Variants in VPS13B observed in about 807,000 individuals in gnomAD.
The protein encoded by VPS13B is vacuolar protein sorting 13 homolog B, also known as intermembrane lipid transfer protein VPS13B.
Under a neutral mutation model 426.4 loss-of-function variants are expected in VPS13B, and 285 were observed. The observed-to-expected ratio is 0.67, with a 90% CI of 0.61 to 0.74. The LOEUF is 0.74. Ranked by LOEUF, VPS13B falls within the 30% of genes least tolerant of loss-of-function variation. The pLI is 0.00. For synonymous variants in VPS13B, 1,676 were observed against 1,676.4 expected (o/e 1.00, Z 0.01); for missense variants, 4,537 against 4,782.6 (o/e 0.95, Z 1.51).
At position 99,135,047 on chromosome 8, in the gene VPS13B, C is replaced by T. The variant is rs765890153; in HGVS notation, c.1335C>T (p.Cys445=). 4.8e-5 allele frequency: 77 copies of T among 1,613,314 alleles called. No homozygotes were observed. The highest frequency in any genetic ancestry group is 6.3e-5 in the Non-Finnish European group (74 of 1,179,598). The change falls in exon 10 of 62, where the codon TGC becomes TGT. Residue 445 remains cysteine (C), a synonymous_variant. Coordinates refer to ENST00000357162, the MANE Select transcript of VPS13B (RefSeq NM_152564.5). ...TGATGGGAGAACCTTTCTTTGATTG[C>T]CAGATTGGGTTTGTTGGTTGCAGAG... ...ALMMGEPFFD[C]QIGFVGCRAM... is the part of the protein sequence containing the mutation.
At position 99,501,710 on chromosome 8, in the gene VPS13B, G is replaced by A; in HGVS notation, c.3894G>A (p.Glu1298=). The A allele has an allele frequency of 6.2e-7, 1 of 1,613,854 alleles. No individual in the cohort carries two copies. The highest frequency in any genetic ancestry group is 8.5e-7 in the Non-Finnish European group (1 of 1,179,970). The change falls in exon 26 of 62, where the codon GAG becomes GAA. Residue 1298 remains glutamate, a synonymous_variant. Coordinates refer to ENST00000357162, the MANE Select transcript of VPS13B (RefSeq NM_152564.5). The part of the protein sequence containing the change: ...TTEGDSIQAG[E]ESPFSDSVTL... ...AGGGAGATTCTATACAAGCAGGTGA[G>A]GAATCACCATTCTCAGATTCTGTGA... is the stretch of plus-strand genomic sequence containing the variant.
At chr8:99,337,923 A>G (rs1588267090) in intron 19 of VPS13B, among the ~76,000 whole-genome samples, 1 of 151,844 alleles carries the variant, frequency 6.6e-6, no homozygotes, top group Non-Finnish European at 1.5e-5. Flanking sequence ...TTTTTTTCTC[A>G]TTCATCCAGT....
intron 6 of VPS13B, among the ~76,000 whole-genome samples, chr8:99,112,653 C>T (rs1336103271): frequency 6.6e-6 from 1 of 151,952 alleles, no homozygotes; most frequent in Non-Finnish European, 1.5e-5. Flanking sequence ...TTTTCTATAG[C>T]CTTGGGTTTT....
chr8:99,087,179 G>C (rs1024401535), intron 3 of VPS13B, among the ~76,000 whole-genome samples: 3 of 152,078 alleles, frequency 2.0e-5, no homozygotes, highest in Non-Finnish European at 2.9e-5. Flanking sequence ...CCCCAGCCTC[G>C]CTGCCCCCTT....
intron 2 of VPS13B, among the ~76,000 whole-genome samples, chr8:99,034,987 G>T (rs1563496724): frequency 6.6e-6 from 1 of 152,082 alleles, no homozygotes; most frequent in Admixed American, 6.5e-5. Flanking sequence ...TTGAAGCCCA[G>T]GAGTTGAAGA....
intron 17 of VPS13B, among the ~76,000 whole-genome samples, chr8:99,223,691 C>T (rs1365331367): frequency 2.0e-5 from 3 of 152,026 alleles, no homozygotes; most frequent in Admixed American, 6.5e-5. Context: ...GAAGTTTGTA[C>T]AAACTGCTCT....
chr8:99,257,561 TAC>T (rs34558672), intron 17 of VPS13B, among the ~76,000 whole-genome samples: 104,905 of 150,752 alleles, frequency 0.7, 36,774 homozygotes, highest in South Asian at 0.85. Flanking sequence ...TGCATGTGTG[TAC>T]ACACACACAC....
intron 17 of VPS13B, among the ~76,000 whole-genome samples, chr8:99,205,148 T>G (rs1437374212): frequency 6.6e-6 from 1 of 152,206 alleles, no homozygotes; most frequent in Non-Finnish European, 1.5e-5. Flanking sequence ...ATGTGGCACA[T>G]ATACACCATG....
chr8:99,780,443 CA>C (rs1234551305), intron 42 of VPS13B, among the ~76,000 whole-genome samples: 1 of 152,096 alleles, frequency 6.6e-6, no homozygotes, highest in Admixed American at 6.6e-5. Flanking sequence ...CTCTTAGACA[CA>C]GCTATACATA....
At chr8:99,143,244 T>G in intron 13 of VPS13B, 79 bp downstream of exon 13, 1 of 1,584,294 alleles carries the variant, frequency 6.3e-7, no homozygotes, top group East Asian at 2.2e-5. Flanking sequence ...GTTGTCTTGC[T>G]AACTTTACGT....
At chr8:99,437,478 A>G (rs1817444065) in intron 22 of VPS13B, among the ~76,000 whole-genome samples, 1 of 151,666 alleles carries the variant, frequency 6.6e-6, no homozygotes, top group South Asian at 2.1e-4. Context: ...AGCACTTTGG[A>G]AGTCCTCGGC....
intron 3 of VPS13B, among the ~76,000 whole-genome samples, chr8:99,082,229 T>C (rs1026351077): frequency 6.6e-6 from 1 of 152,234 alleles, no homozygotes; most frequent in Non-Finnish European, 1.5e-5. Context: ...TGAGTATGTT[T>C]TCATGTGTCT....
At chr8:99,670,752 G>A (rs566420940) in intron 35 of VPS13B, among the ~76,000 whole-genome samples, 2 of 152,040 alleles carry the variant, frequency 1.3e-5, no homozygotes, top group East Asian at 3.9e-4. Context: ...ATTTCTGTTT[G>A]GTTTATTTCA....
intron 2 of VPS13B, among the ~76,000 whole-genome samples, chr8:99,018,193 C>G (rs1280343503): frequency 1.3e-5 from 2 of 152,206 alleles, no homozygotes; most frequent in African/African-American, 2.4e-5. Context: ...CGAGATCAGC[C>G]TAGCCAATAT....
chr8:99,583,624 A>C (rs1315302935), intron 33 of VPS13B, among the ~76,000 whole-genome samples: 2 of 152,186 alleles, frequency 1.3e-5, no homozygotes, highest in Non-Finnish European at 2.9e-5. Context: ...AAAATTCTCC[A>C]AGACATTCTT....
chr8:99,706,337 T>A (rs996705296), intron 36 of VPS13B, among the ~76,000 whole-genome samples: 2 of 152,232 alleles, frequency 1.3e-5, no homozygotes, highest in African/African-American at 4.8e-5. Context: ...GGATTTGGCC[T>A]GTTTAAGATC....
chr8:99,276,890 T>C (rs1243565705), intron 19 of VPS13B, among the ~76,000 whole-genome samples: 1 of 152,156 alleles, frequency 6.6e-6, no homozygotes, highest in African/African-American at 2.4e-5. Flanking sequence ...TTGCCACTTG[T>C]TCTTGAGTTG....
chr8:99,154,391 T>C (rs1811243268), intron 14 of VPS13B, among the ~76,000 whole-genome samples: 1 of 152,162 alleles, frequency 6.6e-6, no homozygotes, highest in Admixed American at 6.5e-5. Flanking sequence ...TGCTTTTCAG[T>C]TTTGGCAGTT....
chr8:99,609,450 A>G (rs1443847037), intron 33 of VPS13B, among the ~76,000 whole-genome samples: 2 of 152,208 alleles, frequency 1.3e-5, no homozygotes, highest in East Asian at 1.9e-4. Flanking sequence ...AACGCTATCT[A>G]TAGTTTTCCT....
Sources: allele counts gnomAD v4.1 joint callset (sites outside exome capture counted in the v4.1 genomes callset), GRCh38; gene constraint gnomAD v4.1.1; transcripts MANE v1.5; gene names NCBI Gene and HGNC (gene_info 2026-07-23, HGNC 2026-07-21).